OPCML: variants seen among roughly 807,000 people sequenced by gnomAD.
OPCML encodes the protein opioid binding protein/cell adhesion molecule like, also known as opioid-binding protein/cell adhesion molecule.
A neutral mutation model predicts 37.8 loss-of-function variants in OPCML; 13 were observed. The observed-to-expected ratio is 0.34, with a 90% CI of 0.22 to 0.55. OPCML has a LOEUF of 0.55. Among genes scored for constraint, OPCML ranks in the 20% least tolerant of loss-of-function variants. OPCML has a pLI of 0.91. For synonymous variants in OPCML, 176 were observed against 168.8 expected, an observed-to-expected ratio of 1.04 and a Z score of -0.33; for missense variants, 341 against 435.6, an observed-to-expected ratio of 0.78 and a Z score of 1.93.
chr11:133,531,624 G>A (rs758482659), intron 1 of OPCML, among the ~76,000 whole-genome samples: 4 of 152,068 alleles, frequency 2.6e-5, no homozygotes, highest in Non-Finnish European at 4.4e-5. Context: ...AAGAAATGCA[G>A]GAGCAGATGA....
intron 1 of OPCML, among the ~76,000 whole-genome samples, chr11:133,262,869 A>G (rs929269542): frequency 8.6e-5 from 13 of 151,938 alleles, no homozygotes; most frequent in Non-Finnish European, 1.3e-4. Context: ...AAGTGGCGTG[A>G]GGACACTCAC....
intron 2 of OPCML, among the ~76,000 whole-genome samples, chr11:132,925,357 G>A (rs1356505583): frequency 2.0e-5 from 3 of 152,168 alleles, no homozygotes; most frequent in East Asian, 1.9e-4. Flanking sequence ...ATCCTGCAGT[G>A]GGATAGGTTC....
intron 2 of OPCML, among the ~76,000 whole-genome samples, chr11:132,751,444 TGAG>T (rs1441964267): frequency 6.6e-6 from 1 of 152,166 alleles, no homozygotes; most frequent in East Asian, 1.9e-4. Context: ...CCACAAACCT[TGAG>T]GAGATTTCAG....
chr11:132,450,833 CA>C (rs989682552), intron 4 of OPCML, among the ~76,000 whole-genome samples: 3 of 152,108 alleles, frequency 2.0e-5, no homozygotes, highest in African/African-American at 7.2e-5. Flanking sequence ...ATTGCGTAAC[CA>C]CCCTAGGCTT....
chr11:132,487,023 G>A (rs1252094264), intron 4 of OPCML, among the ~76,000 whole-genome samples: 1 of 152,130 alleles, frequency 6.6e-6, no homozygotes, highest in Non-Finnish European at 1.5e-5. Flanking sequence ...ATGGTAATAA[G>A]GATCATGATA....
intron 1 of OPCML, among the ~76,000 whole-genome samples, chr11:133,500,573 C>T (rs937583643): frequency 2.0e-5 from 3 of 152,234 alleles, no homozygotes; most frequent in Admixed American, 6.5e-5. Flanking sequence ...CTTCCCACCA[C>T]CTCCCCTGCA....
chr11:133,201,440 G>C (rs1224666303), intron 1 of OPCML, among the ~76,000 whole-genome samples: 1 of 151,888 alleles, frequency 6.6e-6, no homozygotes, highest in Non-Finnish European at 1.5e-5. Context: ...AATCAAGATG[G>C]TCAAACGTTT....
chr11:132,790,755 C>T (rs1348035762), intron 2 of OPCML, among the ~76,000 whole-genome samples: 2 of 152,202 alleles, frequency 1.3e-5, no homozygotes, highest in Non-Finnish European at 2.9e-5. Flanking sequence ...CATGCACACA[C>T]CTGCATGCCA....
intron 1 of OPCML, chr11:133,421,210 C>T (rs1007082649): frequency 1.2e-5 from 12 of 985,114 alleles, no homozygotes; most frequent in Middle Eastern, 5.2e-4. Flanking sequence ...AAGAGCAATG[C>T]GTTCCAAGAA....
rs577731794 is a variant in OPCML at position 133,075,002 on chromosome 11, A to G, written c.62-131992T>C. On this transcript the variant is annotated intron_variant, in intron 1 of 7. Coordinates refer to ENST00000524381, the MANE Select transcript of OPCML (RefSeq NM_001012393.5). ...CCAGGAAGTGGCACCTAGGGCAAGT[A>G]CTGGGGGACAGGAGGGCAGAGAGCA... 7.9e-5 allele frequency among the ~76,000 whole-genome samples: 12 copies of G among 152,268 alleles called. No individual in the cohort carries two copies. In the South Asian group the frequency reaches 1.2e-3, roughly 16 times the overall value.
chr11:132,498,692 C>A (rs1038227368), intron 4 of OPCML, among the ~76,000 whole-genome samples: 1 of 152,050 alleles, frequency 6.6e-6, no homozygotes, highest in Admixed American at 6.6e-5. Context: ...ATTTGAATTC[C>A]TGGCTCTTAG....
chr11:133,145,845 G>A (rs980166529), intron 1 of OPCML, among the ~76,000 whole-genome samples: 7 of 152,088 alleles, frequency 4.6e-5, no homozygotes, highest in Admixed American at 4.6e-4. Flanking sequence ...AGAGGAAGGA[G>A]CAAACAAAAG....
chr11:132,450,416 A>G (rs939275431), intron 4 of OPCML, among the ~76,000 whole-genome samples: 3 of 152,136 alleles, frequency 2.0e-5, no homozygotes, highest in African/African-American at 7.2e-5. Context: ...GCTGCTGCAC[A>G]GGAAACCATA....
intron 1 of OPCML, among the ~76,000 whole-genome samples, chr11:133,451,857 G>A (rs1320235394): frequency 6.6e-6 from 1 of 150,872 alleles, no homozygotes; most frequent in African/African-American, 2.5e-5. Flanking sequence ...AAAAAAATCG[G>A]TTTAAATATC....
At chr11:133,038,367 GTTTC>G (rs1947822519) in intron 1 of OPCML, among the ~76,000 whole-genome samples, 1 of 152,120 alleles carries the variant, frequency 6.6e-6, no homozygotes, top group Non-Finnish European at 1.5e-5. Flanking sequence ...TTAGGCTTTG[GTTTC>G]TTTATCTATA....
intron 4 of OPCML, among the ~76,000 whole-genome samples, chr11:132,448,824 T>C (rs544695361): frequency 5.5e-4 from 84 of 152,346 alleles, no homozygotes. Flanking sequence ...GTCACAAATA[T>C]GTGATTTTTC....
intron 2 of OPCML, among the ~76,000 whole-genome samples, chr11:132,811,607 T>C (rs1236145348): frequency 6.6e-6 from 1 of 152,314 alleles, no homozygotes; most frequent in East Asian, 1.9e-4. Flanking sequence ...TATAGCTTTG[T>C]TCCATATCGG....
chr11:132,678,356 G>A (rs767254629), intron 2 of OPCML, among the ~76,000 whole-genome samples: 15 of 152,106 alleles, frequency 9.9e-5, no homozygotes, highest in Admixed American at 3.3e-4. Flanking sequence ...AAAATTAAAC[G>A]TACTCTTACC....
intron 3 of OPCML, among the ~76,000 whole-genome samples, chr11:132,655,531 A>G (rs931467384): frequency 6.6e-6 from 1 of 152,154 alleles, no homozygotes; most frequent in Non-Finnish European, 1.5e-5. Flanking sequence ...GTGTATGGAG[A>G]GTGGAAACCC....
Sources: gnomAD v4.1 joint callset for allele counts (sites outside exome capture counted in the v4.1 genomes callset) on GRCh38, gnomAD v4.1.1 for gene constraint, MANE v1.5 for transcripts, NCBI Gene and HGNC (gene_info 2026-07-23, HGNC 2026-07-21) for gene names.